ARHGAP42: variants seen among roughly 807,000 people sequenced by gnomAD.
The protein encoded by ARHGAP42 is rho GTPase-activating protein 42.
A neutral mutation model predicts 125.0 loss-of-function variants in ARHGAP42; 63 were observed. The observed-to-expected ratio is 0.50, with a 90% CI of 0.41 to 0.62. ARHGAP42 has a LOEUF of 0.62. Ranked by LOEUF, ARHGAP42 falls within the 20% of genes least tolerant of loss-of-function variation. The probability of loss-of-function intolerance (pLI) is 0.00; values close to 1 mark genes in which losing one functional copy is unlikely to be tolerated. For missense variants in ARHGAP42, 766 were observed against 1,024.2 expected, an observed-to-expected ratio of 0.75 and a Z score of 3.44; for synonymous variants, 339 against 351.0, an observed-to-expected ratio of 0.97 and a Z score of 0.38.
chr11:100,755,573 C>T (rs528703284), intron 1 of ARHGAP42, among the ~76,000 whole-genome samples: 1 of 152,308 alleles, frequency 6.6e-6, no homozygotes, highest in South Asian at 2.1e-4. Flanking sequence ...CTAGGGTTCT[C>T]AGATGACTTA....
intron 6 of ARHGAP42, among the ~76,000 whole-genome samples, chr11:100,925,540 C>T (rs1867395836): frequency 6.6e-6 from 1 of 151,058 alleles, no homozygotes; most frequent in African/African-American, 2.5e-5. Context: ...GAGTTCAAGA[C>T]CAGCTTGGCC....
intron 1 of ARHGAP42, among the ~76,000 whole-genome samples, chr11:100,712,953 C>T (rs566109861): frequency 6.6e-6 from 1 of 152,276 alleles, no homozygotes; most frequent in Admixed American, 6.5e-5. Flanking sequence ...TGAGCAGTGC[C>T]TCTTTTCATT....
At chr11:100,873,814 A>G (rs903948362) in intron 4 of ARHGAP42, among the ~76,000 whole-genome samples, 2 of 152,200 alleles carry the variant, frequency 1.3e-5, no homozygotes, top group Non-Finnish European at 2.9e-5. Flanking sequence ...GATAGTAACT[A>G]CCAGAGCAGG....
intron 3 of ARHGAP42, among the ~76,000 whole-genome samples, chr11:100,840,154 C>T (rs1337806945): frequency 6.6e-6 from 1 of 151,964 alleles, no homozygotes; most frequent in African/African-American, 2.4e-5. Flanking sequence ...TCAAACATGC[C>T]CTCCATATTC....
chr11:100,867,008 C>A (rs986649302), intron 4 of ARHGAP42, among the ~76,000 whole-genome samples: 3 of 152,034 alleles, frequency 2.0e-5, no homozygotes, highest in Non-Finnish European at 2.9e-5. Context: ...TTTAAGGAAC[C>A]TTTTTTCCTT....
chr11:100,922,274 A>C (rs1867298006), intron 6 of ARHGAP42, among the ~76,000 whole-genome samples: 1 of 152,118 alleles, frequency 6.6e-6, no homozygotes, highest in African/African-American at 2.4e-5. Context: ...CTATGAAGTC[A>C]TTTATTTTCC....
intron 3 of ARHGAP42, among the ~76,000 whole-genome samples, chr11:100,853,989 ATAAGTTTT>A (rs1470654328): frequency 4.6e-5 from 7 of 152,106 alleles, no homozygotes; most frequent in Admixed American, 4.6e-4. Context: ...TGCTTTATTA[ATAAGTTTT>A]TATGATCATT....
intron 3 of ARHGAP42, among the ~76,000 whole-genome samples, chr11:100,848,628 C>A (rs543513805): frequency 6.6e-6 from 1 of 151,848 alleles, no homozygotes; most frequent in Non-Finnish European, 1.5e-5. Context: ...CTCAGGCTCC[C>A]GAGTAGCTGG....
At chr11:100,690,592 TTTTA>T (rs1255395523) in intron 1 of ARHGAP42, among the ~76,000 whole-genome samples, 2 of 152,134 alleles carry the variant, frequency 1.3e-5, no homozygotes, top group South Asian at 2.1e-4. Context: ...AATATTTTTA[TTTTA>T]TTTATTTATT....
chr11:100,858,095 G>GTA (rs1865363954), intron 3 of ARHGAP42, among the ~76,000 whole-genome samples: 1 of 143,298 alleles, frequency 7.0e-6, no homozygotes, highest in African/African-American at 2.6e-5. Context: ...GGGTGTGTGT[G>GTA]TGTGTGTGTG....
chr11:100,857,199 G>A (rs1164995436), intron 3 of ARHGAP42, among the ~76,000 whole-genome samples: 2 of 150,920 alleles, frequency 1.3e-5, no homozygotes, highest in East Asian at 1.9e-4. Flanking sequence ...TCTTCCTTCG[G>A]TTTAACATTA....
At chr11:100,969,742 G>C (rs559739022) in intron 17 of ARHGAP42, among the ~76,000 whole-genome samples, 10 of 152,112 alleles carry the variant, frequency 6.6e-5, no homozygotes, top group Non-Finnish European at 8.8e-5. Flanking sequence ...TGGTTTTCTT[G>C]AGGACTTTGG....
At chr11:100,795,951 T>C (rs1055339438) in intron 3 of ARHGAP42, among the ~76,000 whole-genome samples, 1 of 152,342 alleles carries the variant, frequency 6.6e-6, no homozygotes, top group South Asian at 2.1e-4. Flanking sequence ...CTGACCTCAC[T>C]GTCCACTTGG....
At chr11:100,738,473 G>C (rs1862113576) in intron 1 of ARHGAP42, 1 of 152,204 alleles carries the variant, frequency 6.6e-6, no homozygotes, top group Non-Finnish European at 1.5e-5. Context: ...TCATCTAAAG[G>C]ATCTGACATT....
intron 4 of ARHGAP42, among the ~76,000 whole-genome samples, chr11:100,900,936 C>G (rs531027883): frequency 6.6e-6 from 1 of 152,078 alleles, no homozygotes; most frequent in Non-Finnish European, 1.5e-5. Context: ...CCATTGCTGA[C>G]GAGGAGCTGC....
chr11:100,914,220 C>A (rs1001125813), intron 5 of ARHGAP42, among the ~76,000 whole-genome samples: 2 of 152,262 alleles, frequency 1.3e-5, no homozygotes, highest in African/African-American at 4.8e-5. Flanking sequence ...CAGGCATGAA[C>A]CACTGTGCCC....
chr11:100,904,813 C>G (rs1463968111), intron 4 of ARHGAP42, among the ~76,000 whole-genome samples: 1 of 152,224 alleles, frequency 6.6e-6, no homozygotes, highest in African/African-American at 2.4e-5. Context: ...GATTACTTCT[C>G]TCTTCTCTGA....
chr11:100,906,797 T>G (rs1018515383), intron 4 of ARHGAP42, among the ~76,000 whole-genome samples: 1 of 152,218 alleles, frequency 6.6e-6, no homozygotes, highest in African/African-American at 2.4e-5. Context: ...TGTTTTAAAT[T>G]TTTCTACCCA....
At chr11:100,913,990 A>G (rs902730968) in intron 5 of ARHGAP42, among the ~76,000 whole-genome samples, 4 of 152,148 alleles carry the variant, frequency 2.6e-5, no homozygotes, top group Admixed American at 1.3e-4. Flanking sequence ...GCTGGAGTGC[A>G]GTGGTGCACT....
Sources: allele counts gnomAD v4.1 joint callset (sites outside exome capture counted in the v4.1 genomes callset), GRCh38; gene constraint gnomAD v4.1.1; transcripts MANE v1.5; gene names NCBI Gene and HGNC (gene_info 2026-07-23, HGNC 2026-07-21).